RBM39: variants seen among roughly 807,000 people sequenced by gnomAD.
RBM39 encodes RNA binding motif protein 39.
In RBM39, 12 loss-of-function variants were observed where a neutral mutation model predicts 79.6. The observed-to-expected ratio is 0.15, with a 90% CI of 0.10 to 0.24. RBM39 has a LOEUF of 0.24. Ranked by LOEUF, RBM39 falls within the 10% of genes least tolerant of loss-of-function variation. The pLI is 1.00. For synonymous variants in RBM39, 185 were observed against 208.4 expected, an observed-to-expected ratio of 0.89 and a Z score of 0.97; for missense variants, 243 against 653.4, an observed-to-expected ratio of 0.37 and a Z score of 6.85.
At chr20:35,728,056 G>C (rs2038953271) in intron 6 of RBM39, among the ~76,000 whole-genome samples, 1 of 152,064 alleles carries the variant, frequency 6.6e-6, no homozygotes, top group South Asian at 2.1e-4. Context: ...CAAAGTGCTG[G>C]GATTACCCGC....
At chr20:35,727,880 C>T (rs1362224165) in intron 6 of RBM39, among the ~76,000 whole-genome samples, 1 of 152,066 alleles carries the variant, frequency 6.6e-6, no homozygotes, top group African/African-American at 2.4e-5. Flanking sequence ...AACTTCTGAC[C>T]TCAGGTGATC....
intron 3 of RBM39, chr20:35,735,053 G>C (rs371881742): frequency 3.2e-6 from 5 of 1,573,380 alleles, no homozygotes; most frequent in Non-Finnish European, 1.7e-6. Flanking sequence ...TTCCATGTAA[G>C]AAGATCTAAA....
chr20:35,727,614 T>A (rs1195932866), intron 6 of RBM39, among the ~76,000 whole-genome samples: 3 of 151,070 alleles, frequency 2.0e-5, no homozygotes, highest in African/African-American at 7.3e-5. Context: ...TAGCTGGGAC[T>A]ACAGGTGCAC....
intron 9 of RBM39, among the ~76,000 whole-genome samples, chr20:35,721,317 G>C (rs954388564): frequency 6.6e-6 from 1 of 152,050 alleles, no homozygotes; most frequent in African/African-American, 2.4e-5. Context: ...AATAGTCTTC[G>C]TATGATTTAA....
chr20:35,704,777 T>C (rs1198469324), intron 15 of RBM39, 31 bp from the exon 16 acceptor site: 1 of 1,592,100 alleles, frequency 6.3e-7, no homozygotes, highest in Non-Finnish European at 8.6e-7. Context: ...AAGGTAAAGA[T>C]GTTGCTGTAT....
intron 7 of RBM39, 38 bp from the exon 8 acceptor site, chr20:35,724,760 T>G: frequency 6.3e-7 from 1 of 1,597,552 alleles, no homozygotes; most frequent in Non-Finnish European, 8.6e-7. Context: ...AAACATCCAT[T>G]GTAACACATG....
chr20:35,739,523 T>C, intron 2 of RBM39: 1 of 471,198 alleles, frequency 2.1e-6, no homozygotes, highest in South Asian at 1.5e-5. Flanking sequence ...AAGAGCTTGA[T>C]GCCACCTCTG....
At chr20:35,707,879 G>A in intron 13 of RBM39, 4 of 465,936 alleles carry the variant, frequency 8.6e-6, no homozygotes. Context: ...TTCCAAGACA[G>A]TTGCTCCAAT....
intron 10 of RBM39, among the ~76,000 whole-genome samples, chr20:35,716,228 C>T (rs1569010184): frequency 6.6e-6 from 1 of 152,088 alleles, no homozygotes; most frequent in Non-Finnish European, 1.5e-5. Context: ...TGAGCACCAC[C>T]ATGCTTGGCT....
intron 1 of RBM39, chr20:35,741,570 G>A (rs1235623674): frequency 6.6e-6 from 1 of 152,216 alleles, no homozygotes; most frequent in Non-Finnish European, 1.5e-5. Context: ...TGGGAGACCC[G>A]AACGAGAGCG....
At chr20:35,710,146 A>G (rs2036225219) in intron 12 of RBM39, 1 of 152,196 alleles carries the variant, frequency 6.6e-6, no homozygotes, top group African/African-American at 2.4e-5. Context: ...TATGACATCA[A>G]AATTTTGATT....
intron 13 of RBM39, chr20:35,707,787 A>G (rs1273190463): frequency 1.2e-5 from 4 of 322,640 alleles, no homozygotes; most frequent in Non-Finnish European, 2.6e-5. Context: ...TCGCACAATA[A>G]AAGAACACTG....
chr20:35,739,773 A>C (rs1300313559), intron 2 of RBM39: 1 of 272,690 alleles, frequency 3.7e-6, no homozygotes, highest in Non-Finnish European at 7.4e-6. Context: ...ACACTATTTA[A>C]ATCTATCAAG....
At chr20:35,725,232 T>C in intron 6 of RBM39, 77 bp from the exon 7 acceptor site, 12 of 1,029,766 alleles carry the variant, frequency 1.2e-5, no homozygotes, top group Middle Eastern at 3.2e-4. Flanking sequence ...TTTCTTCATA[T>C]AGTTCAACAG....
intron 6 of RBM39, among the ~76,000 whole-genome samples, chr20:35,727,415 A>C (rs1330305679): frequency 2.6e-5 from 4 of 151,684 alleles, no homozygotes; most frequent in Non-Finnish European, 5.9e-5. Context: ...AAAAAAAAAA[A>C]ACACCCACAA....
chr20:35,703,225 G>A lies in RBM39; in HGVS notation c.*1256C>T, dbSNP rs1442568358. 6.6e-6 allele frequency: 1 copy of A among 151,986 alleles called. No homozygotes were observed. The highest frequency in any genetic ancestry group is 1.5e-5 in the Non-Finnish European group (1 of 68,006). The allele number at this position is 151,986 out of a possible 1,614,324, so 9.4% of individuals were successfully genotyped here. A position where few individuals can be genotyped will look rare whatever the true frequency, so the allele number is the denominator to read the frequency against. On this transcript the variant is annotated 3_prime_UTR_variant, in exon 17 of 17. Transcript: ENST00000253363. ...AAAACCCCTTAATACAGTAATATAT[G>A]CACCTTATTTAATATATTAATATAT...
At chr20:35,712,899 A>C in intron 12 of RBM39, 120 bp downstream of exon 12, 1 of 702,104 alleles carries the variant, frequency 1.4e-6, no homozygotes, top group South Asian at 2.0e-5. Flanking sequence ...ACTACAAACT[A>C]ACAGGCTATA....
intron 13 of RBM39, chr20:35,707,565 A>T: frequency 5.3e-6 from 1 of 189,740 alleles, no homozygotes; most frequent in Non-Finnish European, 1.1e-5. Flanking sequence ...GGGATAATAA[A>T]ACAAAATCCT....
At chr20:35,729,094 AATAAATAAATAT>A (rs961350578) in intron 6 of RBM39, among the ~76,000 whole-genome samples, 2 of 151,984 alleles carry the variant, frequency 1.3e-5, no homozygotes, top group Non-Finnish European at 2.9e-5. Flanking sequence ...TAAATAAATA[AATAAATAAATAT>A]ATAACTGTTG....
Sources: allele counts gnomAD v4.1 joint callset (sites outside exome capture counted in the v4.1 genomes callset), GRCh38; gene constraint gnomAD v4.1.1; transcripts MANE v1.5; gene names NCBI Gene and HGNC (gene_info 2026-07-23, HGNC 2026-07-21).